Variants in MACROD2 observed in about 807,000 individuals in gnomAD.
MACROD2 encodes the protein mono-ADP ribosylhydrolase 2, also known as ADP-ribose glycohydrolase MACROD2.
MACROD2 carries 36 observed loss-of-function variants against 70.4 expected under a neutral mutation model. The observed-to-expected ratio is 0.51, with a 90% CI of 0.39 to 0.68. The LOEUF is 0.68. Among genes scored for constraint, MACROD2 ranks in the 30% least tolerant of loss-of-function variants. The probability of loss-of-function intolerance (pLI) is 0.00; values close to 1 mark genes in which losing one functional copy is unlikely to be tolerated. For synonymous variants in MACROD2, 172 were observed against 178.8 expected (o/e 0.96, Z 0.30); for missense variants, 496 against 538.4 (o/e 0.92, Z 0.78).
At chr20:14,229,157 T>G (rs2081776196) in intron 3 of MACROD2, among the ~76,000 whole-genome samples, 1 of 152,326 alleles carries the variant, frequency 6.6e-6, no homozygotes, top group East Asian at 1.9e-4. Flanking sequence ...GTGATCGTAG[T>G]TTGCTGATGA....
intron 8 of MACROD2, among the ~76,000 whole-genome samples, chr20:15,563,742 AC>A (rs1382999109): frequency 6.6e-6 from 1 of 152,192 alleles, no homozygotes; most frequent in Non-Finnish European, 1.5e-5. Flanking sequence ...TGCTGGAAAT[AC>A]TTGACTATAA....
At chr20:15,818,857 C>T (rs530937661) in intron 8 of MACROD2, among the ~76,000 whole-genome samples, 75 of 152,282 alleles carry the variant, frequency 4.9e-4, no homozygotes, top group African/African-American at 1.7e-3. Flanking sequence ...GTTTCTCTCA[C>T]CAAGAAGTCA....
At chr20:14,774,649 T>C (rs1224552927) in intron 5 of MACROD2, among the ~76,000 whole-genome samples, 4 of 152,070 alleles carry the variant, frequency 2.6e-5, no homozygotes, top group African/African-American at 9.7e-5. Context: ...AAGGCTATTA[T>C]TACATCTAGA....
At chr20:15,511,088 G>A (rs1055010258) in intron 8 of MACROD2, among the ~76,000 whole-genome samples, 1 of 152,184 alleles carries the variant, frequency 6.6e-6, no homozygotes, top group South Asian at 2.1e-4. Flanking sequence ...ACTGGCCTTA[G>A]ACTCGATTCC....
At chr20:14,795,140 C>T (rs896464081) in intron 5 of MACROD2, among the ~76,000 whole-genome samples, 2 of 152,002 alleles carry the variant, frequency 1.3e-5, no homozygotes, top group Non-Finnish European at 2.9e-5. Flanking sequence ...GGGGCCAGAC[C>T]GTGAAGGACC....
chr20:14,802,205 T>C (rs2072585030), intron 5 of MACROD2, among the ~76,000 whole-genome samples: 1 of 152,056 alleles, frequency 6.6e-6, no homozygotes, highest in Admixed American at 6.6e-5. Flanking sequence ...GAGCACCTGC[T>C]CTACTGTGCA....
At chr20:14,144,490 A>G (rs1241222425) in intron 3 of MACROD2, among the ~76,000 whole-genome samples, 4 of 152,148 alleles carry the variant, frequency 2.6e-5, no homozygotes, top group Admixed American at 6.5e-5. Flanking sequence ...CATTCATTCA[A>G]CTAATATTTA....
intron 6 of MACROD2, among the ~76,000 whole-genome samples, chr20:15,307,940 T>G (rs1011253373): frequency 1.1e-4 from 14 of 127,762 alleles, no homozygotes; most frequent in Non-Finnish European, 1.7e-4. Context: ...ATATCCCTAA[T>G]TTTGATCTGT....
intron 8 of MACROD2, among the ~76,000 whole-genome samples, chr20:15,589,481 C>T (rs1236537189): frequency 6.6e-6 from 1 of 152,218 alleles, no homozygotes; most frequent in Non-Finnish European, 1.5e-5. Flanking sequence ...ATCAATATTT[C>T]CACCAGAGTG....
intron 3 of MACROD2, among the ~76,000 whole-genome samples, chr20:14,217,277 GT>G (rs370726685): frequency 7.9e-5 from 12 of 152,142 alleles, no homozygotes; most frequent in African/African-American, 2.9e-4. Flanking sequence ...TGTGATTTTT[GT>G]TTTTATTTCT....
At chr20:14,173,218 C>T (rs1347495911) in intron 3 of MACROD2, among the ~76,000 whole-genome samples, 3 of 152,110 alleles carry the variant, frequency 2.0e-5, no homozygotes, top group East Asian at 3.8e-4. Context: ...CTCGATTATC[C>T]CCTCAAATAT....
chr20:14,896,393 T>A (rs2073830194), intron 5 of MACROD2, among the ~76,000 whole-genome samples: 1 of 152,210 alleles, frequency 6.6e-6, no homozygotes, highest in Non-Finnish European at 1.5e-5. Context: ...GTCTTAGTCA[T>A]TATCCTTGCT....
chr20:15,025,358 G>T (rs940257622), intron 5 of MACROD2, among the ~76,000 whole-genome samples: 1 of 152,016 alleles, frequency 6.6e-6, no homozygotes, highest in Non-Finnish European at 1.5e-5. Flanking sequence ...AGAAGAGGCA[G>T]CTCTGATGGT....
intron 5 of MACROD2, among the ~76,000 whole-genome samples, chr20:14,863,902 T>TTAAACTTGACTAGTGCATTGGC (rs2073399702): frequency 6.6e-6 from 1 of 152,126 alleles, no homozygotes; most frequent in Non-Finnish European, 1.5e-5. Flanking sequence ...TTCTCCATTG[T>TTAAACTTGACTAGTGCATTGGC]TAAACTTGAC....
intron 3 of MACROD2, among the ~76,000 whole-genome samples, chr20:14,344,319 G>T (rs1180223648): frequency 6.6e-6 from 1 of 152,000 alleles, no homozygotes. Context: ...ATTAGATTTG[G>T]ATTATGTAAA....
chr20:14,717,266 T>C (rs1450761235), intron 5 of MACROD2, among the ~76,000 whole-genome samples: 3 of 152,196 alleles, frequency 2.0e-5, no homozygotes, highest in Non-Finnish European at 4.4e-5. Context: ...AATTGACAAG[T>C]TCGTTTCCTG....
chr20:14,909,862 A>G (rs2074005277), intron 5 of MACROD2, among the ~76,000 whole-genome samples: 1 of 151,992 alleles, frequency 6.6e-6, no homozygotes, highest in East Asian at 1.9e-4. Flanking sequence ...TATTGTGGTC[A>G]CTTTAGAACG....
intron 8 of MACROD2, among the ~76,000 whole-genome samples, chr20:15,846,356 G>A (rs1288842906): frequency 6.6e-6 from 1 of 152,162 alleles, no homozygotes; most frequent in Non-Finnish European, 1.5e-5. Context: ...GGATGTCACA[G>A]ACTTTCATTA....
At chr20:15,661,430 C>T (rs759528524) in intron 8 of MACROD2, among the ~76,000 whole-genome samples, 26 of 152,102 alleles carry the variant, frequency 1.7e-4, no homozygotes, top group Admixed American at 6.6e-5. Flanking sequence ...TGAAGGTGCC[C>T]TGACTTTCCA....
Sources: gnomAD v4.1 joint callset for allele counts (sites outside exome capture counted in the v4.1 genomes callset) on GRCh38, gnomAD v4.1.1 for gene constraint, MANE v1.5 for transcripts, NCBI Gene and HGNC (gene_info 2026-07-23, HGNC 2026-07-21) for gene names.